Variants in DACH1 observed in about 807,000 individuals in gnomAD.
The protein encoded by DACH1 is dachshund family transcription factor 1.
In DACH1, 12 loss-of-function variants were observed where a neutral mutation model predicts 54.2. That is an observed-to-expected ratio of 0.22 (90% CI 0.14 to 0.36). The LOEUF is 0.36. Among genes scored for constraint, DACH1 ranks in the 10% least tolerant of loss-of-function variants. The pLI, the probability that DACH1 is intolerant of heterozygous loss-of-function variation, is 1.00. For missense variants in DACH1, 805 were observed against 929.8 expected, an observed-to-expected ratio of 0.87 and a Z score of 1.75; for synonymous variants, 386 against 366.2, an observed-to-expected ratio of 1.05 and a Z score of -0.62.
chr13:71,758,899 C>T (rs1400333938), intron 1 of DACH1, among the ~76,000 whole-genome samples: 1 of 151,562 alleles, frequency 6.6e-6, no homozygotes, highest in African/African-American at 2.4e-5. Context: ...TAAACTCCCC[C>T]TCCCTCGCAT....
intron 1 of DACH1, among the ~76,000 whole-genome samples, chr13:71,817,963 C>T (rs987452450): frequency 1.3e-5 from 2 of 151,578 alleles, no homozygotes; most frequent in East Asian, 2.0e-4. Context: ...TACAGCCACC[C>T]GCCATGATGC....
chr13:71,514,724 T>A (rs541549580), intron 6 of DACH1, among the ~76,000 whole-genome samples: 1 of 151,988 alleles, frequency 6.6e-6, no homozygotes, highest in East Asian at 1.9e-4. Context: ...TTCAATGAAA[T>A]GAAACTTGTC....
chr13:71,631,953 G>C (rs1203574004), intron 2 of DACH1, among the ~76,000 whole-genome samples: 1 of 151,986 alleles, frequency 6.6e-6, no homozygotes, highest in Non-Finnish European at 1.5e-5. Context: ...ACAAAAAGTA[G>C]CTGGGCATGC....
intron 6 of DACH1, among the ~76,000 whole-genome samples, chr13:71,523,073 G>A (rs1344403343): frequency 6.6e-6 from 1 of 152,008 alleles, no homozygotes; most frequent in Non-Finnish European, 1.5e-5. Flanking sequence ...AAAATCAAAC[G>A]CCTCATTTCC....
intron 1 of DACH1, among the ~76,000 whole-genome samples, chr13:71,779,140 CATAT>C (rs1206912702): frequency 7.2e-6 from 1 of 138,272 alleles, no homozygotes; most frequent in Admixed American, 7.3e-5. Context: ...CATATATACA[CATAT>C]ATACACATAT....
At chr13:71,491,457 G>A (rs1004001258) in intron 6 of DACH1, among the ~76,000 whole-genome samples, 6 of 152,072 alleles carry the variant, frequency 3.9e-5, no homozygotes, top group African/African-American at 1.4e-4. Context: ...TTTGGGCCTC[G>A]TGGTTTCAGC....
chr13:71,514,165 C>T lies in DACH1; in HGVS notation c.1571-25017G>A, dbSNP rs191607443. 2.1e-3 allele frequency among the ~76,000 whole-genome samples: 318 copies of T among 152,064 alleles called. 3 individuals carry two copies. The highest frequency in any genetic ancestry group is 0.02 in the South Asian group (96 of 4,832). ...TCACTTGATATACATTGACAGAATA[C>T]TGTTTAATTATGCTAATCATCTAGG... On this transcript the variant is annotated intron_variant, in intron 6 of 10. Transcript: ENST00000613252.
intron 1 of DACH1, among the ~76,000 whole-genome samples, chr13:71,811,644 A>T (rs1887717905): frequency 6.6e-6 from 1 of 152,202 alleles, no homozygotes; most frequent in Non-Finnish European, 1.5e-5. Flanking sequence ...GGGTTCCTCA[A>T]GCCAGGGATA....
chr13:71,690,042 A>G (rs1881393713), intron 1 of DACH1, among the ~76,000 whole-genome samples: 1 of 152,180 alleles, frequency 6.6e-6, no homozygotes, highest in Non-Finnish European at 1.5e-5. Context: ...ACCTTATCAG[A>G]TCAGGGAGAT....
At chr13:71,732,149 A>C (rs368418883) in intron 1 of DACH1, among the ~76,000 whole-genome samples, 6 of 152,208 alleles carry the variant, frequency 3.9e-5, no homozygotes, top group African/African-American at 1.4e-4. Flanking sequence ...AATATGAAAG[A>C]CGACTTATTT....
chr13:71,521,544 T>G (rs764842724), intron 6 of DACH1, among the ~76,000 whole-genome samples: 1 of 151,996 alleles, frequency 6.6e-6, no homozygotes, highest in Non-Finnish European at 1.5e-5. Context: ...TTCAAAATGA[T>G]TCTTCAGTCT....
At chr13:71,838,468 T>G (rs1888882203) in intron 1 of DACH1, among the ~76,000 whole-genome samples, 1 of 152,174 alleles carries the variant, frequency 6.6e-6, no homozygotes, top group Admixed American at 6.5e-5. Flanking sequence ...AAAAGAATTT[T>G]TATTACATAC....
At chr13:71,617,429 G>A (rs1357208797) in intron 3 of DACH1, among the ~76,000 whole-genome samples, 1 of 152,128 alleles carries the variant, frequency 6.6e-6, no homozygotes, top group African/African-American at 2.4e-5. Context: ...CACTGCATGA[G>A]TTTATGATAC....
chr13:71,600,181 A>G (rs975331503), intron 3 of DACH1, among the ~76,000 whole-genome samples: 1 of 152,132 alleles, frequency 6.6e-6, no homozygotes, highest in Non-Finnish European at 1.5e-5. Flanking sequence ...TAGATTTAGA[A>G]ATCAAAATTA....
Position 71,475,869 on chromosome 13 carries a change from T to TATG in DACH1, c.1871-21_1871-20insCAT, listed in dbSNP as rs767581966. On this transcript the variant is annotated intron_variant, in intron 8 of 10. Transcript: ENST00000613252. Reference sequence around the variant, plus strand: ...CTATGGCTAAAAAAGAGTGTATGCATATTATTATTATTATTTTTAAATTTT... The same window carrying TATG: ...CTATGGCTAAAAAAGAGTGTATGCATATGATTATTATTATTATTTTTAAATTTT... The TATG allele has an allele frequency of 6.9e-7, 1 of 1,444,078 alleles. No individual in the cohort carries two copies. Among genetic ancestry groups the TATG allele is most frequent in the Non-Finnish European group, 9.2e-7 (1 of 1,086,696 alleles). The allele number at this position is 1,444,078 out of a possible 1,614,324, so 89.5% of individuals were successfully genotyped here.
intron 1 of DACH1, among the ~76,000 whole-genome samples, chr13:71,853,614 C>T (rs898076814): frequency 6.6e-6 from 1 of 152,056 alleles, no homozygotes; most frequent in Non-Finnish European, 1.5e-5. Flanking sequence ...CTTAGTGGAG[C>T]TCTAAGAACC....
chr13:71,532,471 A>G (rs1189585974), intron 6 of DACH1, among the ~76,000 whole-genome samples: 2 of 152,020 alleles, frequency 1.3e-5, no homozygotes, highest in East Asian at 3.8e-4. Context: ...GGGCTCTCCA[A>G]TACCAAAGTA....
intron 10 of DACH1, among the ~76,000 whole-genome samples, chr13:71,473,047 A>G (rs928833722): frequency 6.6e-6 from 1 of 152,192 alleles, no homozygotes; most frequent in African/African-American, 2.4e-5. Flanking sequence ...TGCTGGTAAA[A>G]TATCTTTTAG....
At chr13:71,683,151 A>G (rs1007774317) in intron 1 of DACH1, among the ~76,000 whole-genome samples, 1 of 152,124 alleles carries the variant, frequency 6.6e-6, no homozygotes, top group Non-Finnish European at 1.5e-5. Context: ...GAGGTGCACT[A>G]TGGAGGCTAA....
Sources: gnomAD v4.1 joint callset for allele counts (sites outside exome capture counted in the v4.1 genomes callset) on GRCh38, gnomAD v4.1.1 for gene constraint, MANE v1.5 for transcripts, NCBI Gene and HGNC (gene_info 2026-07-23, HGNC 2026-07-21) for gene names.